The following SLX4 variants were observed in gnomAD, a reference collection of about 807,000 sequenced individuals.
SLX4 encodes the protein SLX4 structure-specific endonuclease subunit.
In SLX4, 112 loss-of-function variants were observed where a neutral mutation model predicts 146.2. That is an observed-to-expected ratio of 0.77 (90% confidence interval 0.66 to 0.90). The LOEUF (loss-of-function observed/expected upper bound fraction) is 0.90. SLX4 is among the 40% of genes least tolerant of loss of function. The probability of loss-of-function intolerance (pLI) is 0.00; values close to 1 mark genes in which losing one functional copy is unlikely to be tolerated. For missense variants in SLX4, 2,563 were observed against 2,392.7 expected, an observed-to-expected ratio of 1.07 and a Z score of -1.49; for synonymous variants, 1,061 against 997.7, an observed-to-expected ratio of 1.06 and a Z score of -1.20.
In SLX4 at chr16:3,583,418, T is replaced by C. The variant is rs762796945; in HGVS notation, c.4832A>G (p.Glu1611Gly). 1.9e-6 allele frequency: 3 copies of C among 1,613,840 alleles called. No individual in the cohort carries two copies. In the East Asian group the frequency reaches 6.7e-5, roughly 36 times the overall value. The change falls in exon 14 of 15, where the codon GAG (glutamate) becomes GGG (glycine). Residue 1611 changes from glutamate to glycine, a missense_variant. Coordinates refer to ENST00000294008, the MANE Select transcript of SLX4 (RefSeq NM_032444.4). ...YTHQTLDSDS[E>G]DESQSSQPLL... is the part of the protein sequence containing the mutation. ...CGGCTGTGAGGACTGGCTCTCGTCC[T>C]CGGAGTCTGAGTCCAGGGTCTGGTG... is the stretch of plus-strand genomic sequence containing the variant.
intron 11 of SLX4, among the ~76,000 whole-genome samples, chr16:3,592,211 AG>A (rs1159028237): frequency 6.6e-6 from 1 of 152,266 alleles, no homozygotes; most frequent in Non-Finnish European, 1.5e-5. Flanking sequence ...GGCCCTGTCC[AG>A]AGGCACAACA....
At position 3,582,299 on chromosome 16, in the gene SLX4, G is replaced by A. The variant is rs1455651460; in HGVS notation, c.*43C>T. 6.4e-7 allele frequency: 1 copy of A among 1,561,522 alleles called. No homozygotes were observed. Among genetic ancestry groups the A allele is most frequent in the Non-Finnish European group, 8.7e-7 (1 of 1,148,210 alleles). The stretch of plus-strand genomic sequence containing the variant: ...GTCCTCCCTGCAAATGGCGGGGGTG[G>A]GGGCTGCTGATGGCAGGTTGGGGTG... On this transcript the variant is annotated 3_prime_UTR_variant, in exon 15 of 15. Transcript: ENST00000294008.
intron 7 of SLX4, 25 bp from the exon 8 acceptor site, chr16:3,596,418 G>T: frequency 6.4e-7 from 1 of 1,572,892 alleles, no homozygotes; most frequent in South Asian, 1.1e-5. Context: ...TAAGGAGAGT[G>T]ACCACGTGGT....
rs1437979603 is a variant in SLX4 at position 3,581,912 on chromosome 16, G to A, written c.*430C>T. ...TAAAAAATCAGCTGGGCGTGGCAGC[G>A]TGTGCCTGTAGTCCCAGCTATCTGG... On this transcript the variant is annotated 3_prime_UTR_variant, in exon 15 of 15. Transcript: ENST00000294008. 2.8e-5 allele frequency: 6 copies of A among 218,110 alleles called. No homozygotes were observed. The highest frequency in any genetic ancestry group is 7.5e-5 in the East Asian group (1 of 13,320). 13.5% of individuals were successfully genotyped at this position (218,110 alleles called of 1,614,324 possible).
chr16:3,589,671 A>G lies in SLX4; in HGVS notation c.3967T>C (p.Ser1323Pro). The G allele has an allele frequency of 6.2e-7, 1 of 1,614,022 alleles. No homozygotes were observed. Among genetic ancestry groups the G allele is most frequent in the South Asian group, 1.1e-5 (1 of 91,084 alleles). Residue 1323 changes from serine to proline, a missense_variant, in exon 12 of 15, where the codon TCA becomes CCA. By Grantham distance (74) the Ser-to-Pro change is moderately conservative. Coordinates refer to ENST00000294008, the MANE Select transcript of SLX4 (RefSeq NM_032444.4). This position sits in a 1 kb window ranked among gnomAD's most constrained non-coding sequence, Gnocchi z 6.2. Reference sequence around the variant, plus strand: ...CCTGGAGAGACGGGAGTGAGGCATGAGGACGGTGTCTGGGGCGGTGGTGTC... The same window carrying G: ...CCTGGAGAGACGGGAGTGAGGCATGGGGACGGTGTCTGGGGCGGTGGTGTC... Reference protein sequence around the residue: ...PQTPPPQTPSSCLTPVSPGTS... With the variant: ...PQTPPPQTPSPCLTPVSPGTS...
At chr16:3,582,774 G>T in intron 14 of SLX4, 81 bp from the exon 15 acceptor site, 1 of 1,276,786 alleles carries the variant, frequency 7.8e-7, no homozygotes, top group Non-Finnish European at 1.1e-6. Flanking sequence ...AAGGAAGGAA[G>T]GTGTCTACGG....
chr16:3,602,187 A>G lies in SLX4; in HGVS notation c.881T>C (p.Phe294Ser). 1 of 1,614,174 alleles carries G rather than the reference A, an allele frequency of 6.2e-7. No individual in the cohort carries two copies. Among genetic ancestry groups the G allele is most frequent in the Non-Finnish European group, 8.5e-7 (1 of 1,180,022 alleles). The change falls in exon 4 of 15, where the codon TTC (phenylalanine) becomes TCC (serine). Residue 294 changes from phenylalanine (F) to serine (S), a missense_variant. Transcript: ENST00000294008. ...GTTCTTTTGACAAATCTGGCAGAAGAACAAACCCTTTTCCTCCAGGCTATC... is the reference window on the plus strand; with the variant it reads ...GTTCTTTTGACAAATCTGGCAGAAGGACAAACCCTTTTCCTCCAGGCTATC... ...HDDSLEEKGL[F>S]FCQICQKNLS...
rs1555450110 is a variant in SLX4 at position 3,589,852 on chromosome 16, C to T, written c.3786G>A (p.Leu1262=). Residue 1262 remains leucine, a synonymous_variant, in exon 12 of 15, where the codon CTG becomes CTA. Coordinates refer to ENST00000294008, the MANE Select transcript of SLX4 (RefSeq NM_032444.4). The surrounding 1 kb of genome is among the most constrained non-coding windows in gnomAD (Gnocchi z 6.2). ...DTSWLVPATP[L]ASRSRDCSSQ... ...AAGAACAGTCACGGCTTCTGCTGGC[C>T]AGCGGGGTGGCGGGCACCAGCCACG... The T allele has an allele frequency of 3.1e-6, 5 of 1,613,466 alleles. No homozygotes were observed. The highest frequency in any genetic ancestry group is 4.2e-6 in the Non-Finnish European group (5 of 1,180,006).
Position 3,596,186 on chromosome 16 carries a change from T to A in SLX4, c.1891A>T (p.Ser631Cys), listed in dbSNP as rs2040653245. The part of the protein sequence containing the change: ...EGLSASPWPG[S>C]GGLAGSEGTA... ...CCTTCCGAGCCAGCCAGGCCCCCACTGCCGGGCCACGGGCTGGCGCTCAGT... is the reference window on the plus strand; with the variant it reads ...CCTTCCGAGCCAGCCAGGCCCCCACAGCCGGGCCACGGGCTGGCGCTCAGT... Residue 631 changes from serine (S) to cysteine (C), a missense_variant, in exon 8 of 15, where the codon AGT (serine) becomes TGT (cysteine). Coordinates refer to ENST00000294008, the MANE Select transcript of SLX4 (RefSeq NM_032444.4). 1 of 1,551,654 alleles carries A rather than the reference T, an allele frequency of 6.4e-7. No homozygotes were observed. The highest frequency in any genetic ancestry group is 8.7e-7 in the Non-Finnish European group (1 of 1,150,064).
Position 3,597,263 on chromosome 16 carries a change from C to T in SLX4, c.1683+116G>A, listed in dbSNP as rs1413792240. On this transcript the variant is annotated intron_variant, in intron 7 of 14. Coordinates refer to ENST00000294008, the MANE Select transcript of SLX4 (RefSeq NM_032444.4). This position sits in a 1 kb window ranked among gnomAD's most constrained non-coding sequence, Gnocchi z 4.4. ...AAGTGCCCCTCTGGCCTCCTCCCGC[C>T]TCTGCCTTTCCTTCCTGGACTTTCC... The T allele has an allele frequency of 7.2e-6, 9 of 1,252,812 alleles. No homozygotes were observed. The East Asian group carries it at 2.3e-4, about 32-fold the overall frequency. The allele number at this position is 1,252,812 out of a possible 1,614,324, so 77.6% of individuals were successfully genotyped here.
At position 3,596,283 on chromosome 16, in the gene SLX4, C is replaced by T. The variant is rs1347755742; in HGVS notation, c.1794G>A (p.Arg598=). ...TCTGGCTGGCCGAAGGCGACGGGCC[C>T]CTGGAGCCACAGCCTGCAGTGGGGG... The part of the protein sequence containing the change: ...HGTPTAGCGS[R]GPSPSASQRE... Residue 598 remains arginine, a synonymous_variant, in exon 8 of 15, where the codon AGG becomes AGA. Coordinates refer to ENST00000294008, the MANE Select transcript of SLX4 (RefSeq NM_032444.4). 1 of 1,569,454 alleles carries T rather than the reference C, an allele frequency of 6.4e-7. No individual in the cohort carries two copies. Among genetic ancestry groups the T allele is most frequent in the South Asian group, 1.2e-5 (1 of 85,928 alleles).
rs35214951 is a variant in SLX4 at position 3,604,819 on chromosome 16, CA to C, written c.760+1654del. 3.3e-3 allele frequency among the ~76,000 whole-genome samples: 353 copies of C among 105,948 alleles called. 2 individuals carry two copies. The highest frequency in any genetic ancestry group is 6.0e-3 in the African/African-American group (175 of 29,194). The allele number at this position is 105,948 out of a possible 152,430, so 69.5% of individuals were successfully genotyped here. ...TGGGAGACAGACCAAGACTCCATCT[CA>C]AAAAAAAAAAAAAATGTATATTTAT... On this transcript the variant is annotated intron_variant, in intron 3 of 14. Coordinates refer to ENST00000294008, the MANE Select transcript of SLX4 (RefSeq NM_032444.4).
intron 2 of SLX4, 63 bp from the exon 3 acceptor site, chr16:3,606,761 C>T: frequency 6.4e-7 from 1 of 1,571,830 alleles, no homozygotes; most frequent in Non-Finnish European, 8.7e-7. Context: ...GACTTTTCTA[C>T]CAGATACAGG....
rs768613016 is a variant in SLX4, at chr16:3,602,245, C to T, written c.823G>A (p.Glu275Lys). The change falls in exon 4 of 15, where the codon GAG (glutamate) becomes AAG (lysine). Residue 275 changes from glutamate to lysine, a missense_variant. Glu to Lys is a moderately conservative substitution (Grantham distance 56). Coordinates refer to ENST00000294008, the MANE Select transcript of SLX4 (RefSeq NM_032444.4). The part of the protein sequence containing the change: ...DAAVALTLQQ[E>K]FARVGASAHD... ...GCCGATGCTCCTACCCGTGCAAACTCCTGCTGCAGGGTCAAGGCCACCGCA... is the reference window on the plus strand; with the variant it reads ...GCCGATGCTCCTACCCGTGCAAACTTCTGCTGCAGGGTCAAGGCCACCGCA... 2 of 1,614,086 alleles carry T rather than the reference C, an allele frequency of 1.2e-6. No individual in the cohort carries two copies. The highest frequency in any genetic ancestry group is 1.7e-6 in the Non-Finnish European group (2 of 1,180,062).
Position 3,589,667 on chromosome 16 carries a change from C to T in SLX4, c.3971G>A (p.Cys1324Tyr), listed in dbSNP as rs763708607. ...QTPPPQTPSS[C>Y]LTPVSPGTSD... ...AGTTCCTGGAGAGACGGGAGTGAGG[C>T]ATGAGGACGGTGTCTGGGGCGGTGG... Residue 1324 changes from cysteine to tyrosine, a missense_variant, in exon 12 of 15, where the codon TGC becomes TAC. Transcript: ENST00000294008. This position sits in a 1 kb window ranked among gnomAD's most constrained non-coding sequence, Gnocchi z 6.2. 6.2e-7 allele frequency: 1 copy of T among 1,614,034 alleles called. No individual in the cohort carries two copies. The highest frequency in any genetic ancestry group is 1.7e-5 in the Admixed American group (1 of 60,022).
chr16:3,602,729 C>T (rs1377617083), intron 3 of SLX4, among the ~76,000 whole-genome samples: 1 of 152,198 alleles, frequency 6.6e-6, no homozygotes, highest in African/African-American at 2.4e-5. Context: ...GCTCATATTC[C>T]AACAAAGCTA....
intron 11 of SLX4, among the ~76,000 whole-genome samples, chr16:3,592,130 C>G (rs1052914972): frequency 6.6e-5 from 10 of 152,276 alleles, no homozygotes; most frequent in African/African-American, 2.2e-4. Context: ...ATATTTCCAA[C>G]TCCAGAGGCT....
Position 3,608,692 on chromosome 16 carries a change from T to C in SLX4, c.273A>G (p.Lys91=), listed in dbSNP as rs1293263973. The change falls in exon 2 of 15, where the codon AAA becomes AAG. Residue 91 remains lysine (K), a synonymous_variant. Coordinates refer to ENST00000294008, the MANE Select transcript of SLX4 (RefSeq NM_032444.4). ...SNGTQIRSKL[K]RTKQTATKTK... The stretch of plus-strand genomic sequence containing the variant: ...TCTTGGTAGCAGTTTGTTTGGTCCT[T>C]TTCAATTTGCTTCTTATCTGAGTGC... The C allele has an allele frequency of 5.0e-6, 8 of 1,614,236 alleles. No homozygotes were observed. The highest frequency in any genetic ancestry group is 6.8e-6 in the Non-Finnish European group (8 of 1,180,048).
Position 3,589,807 on chromosome 16 carries a change from G to A in SLX4, c.3831C>T (p.Ser1277=), listed in dbSNP as rs376276225. 5 of 1,613,398 alleles carry A rather than the reference G, an allele frequency of 3.1e-6. No homozygotes were observed. Among genetic ancestry groups the A allele is most frequent in the African/African-American group, 1.3e-5 (1 of 75,044 alleles). ...RDCSSQTQIS[S]LRSGLAVQAV... Reference sequence around the variant, plus strand: ...CCTGCACGGCCAGCCCGCTCCTGAGGCTGCTGATTTGGGTCTGGGAAGAAC... The same window carrying A: ...CCTGCACGGCCAGCCCGCTCCTGAGACTGCTGATTTGGGTCTGGGAAGAAC... Residue 1277 remains serine, a synonymous_variant, in exon 12 of 15, where the codon AGC becomes AGT. Transcript: ENST00000294008. This position sits in a 1 kb window ranked among gnomAD's most constrained non-coding sequence, Gnocchi z 6.2.
Sources: allele counts gnomAD v4.1 joint callset (sites outside exome capture counted in the v4.1 genomes callset), GRCh38; gene constraint gnomAD v4.1.1; non-coding constraint Gnocchi (gnomAD v3.1); transcripts MANE v1.5; gene names NCBI Gene and HGNC (gene_info 2026-07-23, HGNC 2026-07-21).